The following SLC9A9 variants were observed in gnomAD, a reference collection of about 807,000 sequenced individuals.
SLC9A9 encodes the protein sodium/hydrogen exchanger 9.
SLC9A9 carries 62 observed loss-of-function variants against 77.8 expected under a neutral mutation model. The ratio of observed to expected loss-of-function variants is 0.80; its 90% CI spans 0.65 to 0.98. SLC9A9 has a LOEUF of 0.98. Ranked by LOEUF, SLC9A9 falls within the 50% of genes least tolerant of loss-of-function variation. The pLI is 0.00. For missense variants in SLC9A9, 775 were observed against 774.9 expected, an observed-to-expected ratio of 1.00 and a Z score of 0.00; for synonymous variants, 320 against 283.5, an observed-to-expected ratio of 1.13 and a Z score of -1.29.
At chr3:143,787,596 T>G (rs2008092463) in intron 4 of SLC9A9, among the ~76,000 whole-genome samples, 1 of 152,238 alleles carries the variant, frequency 6.6e-6, no homozygotes, top group Non-Finnish European at 1.5e-5. Flanking sequence ...ACATTGTTTT[T>G]GAAATTTATC....
At chr3:143,281,270 A>G (rs890866910) in intron 14 of SLC9A9, among the ~76,000 whole-genome samples, 2 of 152,200 alleles carry the variant, frequency 1.3e-5, no homozygotes, top group Non-Finnish European at 2.9e-5. Context: ...CATCCTTAGC[A>G]GCCTTTGAGA....
chr3:143,322,984 T>C (rs2031469353), intron 14 of SLC9A9, among the ~76,000 whole-genome samples: 2 of 152,164 alleles, frequency 1.3e-5, no homozygotes. Context: ...GAAAAAATGC[T>C]TACCATCACT....
chr3:143,614,060 C>T (rs191452359), intron 6 of SLC9A9, among the ~76,000 whole-genome samples: 155 of 152,202 alleles, frequency 1.0e-3, no homozygotes, highest in African/African-American at 3.6e-3. Context: ...TTTATGTTAC[C>T]TCTGCTGTGC....
intron 4 of SLC9A9, among the ~76,000 whole-genome samples, chr3:143,745,020 C>T (rs1405845274): frequency 6.6e-6 from 1 of 152,216 alleles, no homozygotes; most frequent in Admixed American, 6.5e-5. Flanking sequence ...TCACCATCCT[C>T]TTTTGTTGTT....
chr3:143,799,688 G>T (rs1483686171), intron 2 of SLC9A9, among the ~76,000 whole-genome samples: 1 of 152,224 alleles, frequency 6.6e-6, no homozygotes, highest in African/African-American at 2.4e-5. Flanking sequence ...CACTCCCAGA[G>T]CCGCTGGAAC....
At chr3:143,663,815 T>A (rs1037560281) in intron 5 of SLC9A9, among the ~76,000 whole-genome samples, 41 of 151,914 alleles carry the variant, frequency 2.7e-4, no homozygotes, top group African/African-American at 9.7e-4. Context: ...TACGGGAAAC[T>A]CATATGGGAT....
intron 4 of SLC9A9, among the ~76,000 whole-genome samples, chr3:143,759,840 G>A (rs969690671): frequency 3.8e-4 from 58 of 151,936 alleles, no homozygotes; most frequent in African/African-American, 1.4e-3. Flanking sequence ...ATCCCACTGA[G>A]ATTTAGGCTT....
At chr3:143,812,101 CA>C (rs1279087454) in intron 2 of SLC9A9, among the ~76,000 whole-genome samples, 1 of 152,076 alleles carries the variant, frequency 6.6e-6, no homozygotes, top group Non-Finnish European at 1.5e-5. Flanking sequence ...TATGTTTACT[CA>C]AACCTGTTGA....
At chr3:143,462,501 G>A (rs924452283) in intron 12 of SLC9A9, among the ~76,000 whole-genome samples, 4 of 152,166 alleles carry the variant, frequency 2.6e-5, no homozygotes, top group Non-Finnish European at 5.9e-5. Flanking sequence ...GATAGTTTGG[G>A]ATCCTGAATA....
chr3:143,565,866 T>G (rs2037159779), intron 8 of SLC9A9, among the ~76,000 whole-genome samples: 1 of 152,116 alleles, frequency 6.6e-6, no homozygotes, highest in Non-Finnish European at 1.5e-5. Context: ...AAGCTAAAAC[T>G]GGCCAGATTT....
rs530096105 is a variant in SLC9A9 at position 143,306,375 on chromosome 3, C to T, written c.1605-37395G>A. 2.0e-5 allele frequency among the ~76,000 whole-genome samples: 3 copies of T among 152,342 alleles called. No individual in the cohort carries two copies. In the South Asian group the frequency reaches 6.2e-4, roughly 32 times the overall value. On this transcript the variant is annotated intron_variant, in intron 14 of 15. Transcript: ENST00000316549. ...GTGAACCTGTCTGCTTTCAGTTTTCCACCTACTGTCTCAACCAAAGGTAAC... is the reference window on the plus strand; with the variant it reads ...GTGAACCTGTCTGCTTTCAGTTTTCTACCTACTGTCTCAACCAAAGGTAAC...
rs550586090 is a variant in SLC9A9, at chr3:143,307,425, T to A, written c.1605-38445A>T. On this transcript the variant is annotated intron_variant, in intron 14 of 15. Transcript: ENST00000316549. ...ACATGGCCATACTGAATTCTGCACA[T>A]ATGATCTCTTGACAATGATCTTAAT... 2.0e-4 allele frequency among the ~76,000 whole-genome samples: 30 copies of A among 152,372 alleles called. 1 individual carries two copies. The East Asian group carries it at 5.0e-3, about 25-fold the overall frequency.
intron 14 of SLC9A9, among the ~76,000 whole-genome samples, chr3:143,351,111 C>T (rs2032441899): frequency 6.6e-6 from 1 of 152,158 alleles, no homozygotes; most frequent in African/African-American, 2.4e-5. Flanking sequence ...ATTATGATCC[C>T]ATTAAGGCAT....
Position 143,315,348 on chromosome 3 carries a change from T to C in SLC9A9, c.1605-46368A>G, listed in dbSNP as rs1398531832. Among the ~76,000 whole-genome samples the C allele has an allele frequency of 8.5e-5, 13 of 152,226 alleles. No individual in the cohort carries two copies. In the East Asian group the frequency reaches 2.5e-3, roughly 29 times the overall value. ...TAGAGTTGGCTCATCCTGACAGGGC[T>C]GATGGGTGGTGAGGGCTCTAACGGC... is the stretch of plus-strand genomic sequence containing the variant. On this transcript the variant is annotated intron_variant, in intron 14 of 15. Transcript: ENST00000316549.
chr3:143,381,127 C>A (rs542610964), intron 13 of SLC9A9, among the ~76,000 whole-genome samples: 1 of 152,278 alleles, frequency 6.6e-6, no homozygotes, highest in Admixed American at 6.5e-5. Context: ...ACGTTAGGTT[C>A]AAATTCAGTT....
chr3:143,653,944 AAG>A (rs1268773925), intron 5 of SLC9A9, among the ~76,000 whole-genome samples: 2 of 152,314 alleles, frequency 1.3e-5, no homozygotes, highest in African/African-American at 2.4e-5. Flanking sequence ...GTGAACGAAT[AAG>A]AGAGAACATC....
At chr3:143,508,825 C>T (rs1312569783) in intron 9 of SLC9A9, among the ~76,000 whole-genome samples, 1 of 152,092 alleles carries the variant, frequency 6.6e-6, no homozygotes, top group Non-Finnish European at 1.5e-5. Flanking sequence ...AAATATTTTA[C>T]AATTTAGAAG....
chr3:143,564,629 T>C (rs1286505455), intron 8 of SLC9A9, among the ~76,000 whole-genome samples: 2 of 152,146 alleles, frequency 1.3e-5, no homozygotes, highest in African/African-American at 2.4e-5. Context: ...CTTCAGGCAA[T>C]ATGAAAGTAT....
intron 9 of SLC9A9, among the ~76,000 whole-genome samples, chr3:143,497,060 C>A (rs898325570): frequency 6.6e-6 from 1 of 152,198 alleles, no homozygotes; most frequent in African/African-American, 2.4e-5. Context: ...AACTCCCTCA[C>A]AAGGGCCTCA....
Sources: gnomAD v4.1 joint callset for allele counts (sites outside exome capture counted in the v4.1 genomes callset) on GRCh38, gnomAD v4.1.1 for gene constraint, MANE v1.5 for transcripts, NCBI Gene and HGNC (gene_info 2026-07-23, HGNC 2026-07-21) for gene names.